The following MIPOL1 variants were observed in gnomAD, a reference collection of about 807,000 sequenced individuals.
The protein encoded by MIPOL1 is mirror-image polydactyly 1.
In MIPOL1, 57 loss-of-function variants were observed where a neutral mutation model predicts 60.9. The observed-to-expected ratio is 0.94, with a 90% CI of 0.76 to 1.17. The LOEUF (loss-of-function observed/expected upper bound fraction) is 1.17. MIPOL1 is among the 50% of genes most tolerant of loss of function. The pLI, the probability that MIPOL1 is intolerant of heterozygous loss-of-function variation, is 0.00. For missense variants in MIPOL1, 551 were observed against 511.6 expected, an observed-to-expected ratio of 1.08 and a Z score of -0.74; for synonymous variants, 179 against 168.8, an observed-to-expected ratio of 1.06 and a Z score of -0.47.
At chr14:37,543,407 C>G (rs2095537032) in intron 12 of MIPOL1, among the ~76,000 whole-genome samples, 1 of 152,068 alleles carries the variant, frequency 6.6e-6, no homozygotes, top group Non-Finnish European at 1.5e-5. Context: ...TCCCGAATAG[C>G]TGGGATTACA....
intron 12 of MIPOL1, among the ~76,000 whole-genome samples, chr14:37,530,194 G>C (rs1249688928): frequency 6.6e-6 from 1 of 152,132 alleles, no homozygotes; most frequent in African/African-American, 2.4e-5. Context: ...GATGTGAAGG[G>C]TAAAGAATTC....
intron 11 of MIPOL1, among the ~76,000 whole-genome samples, chr14:37,476,576 T>A (rs1326106559): frequency 6.6e-6 from 1 of 152,192 alleles, no homozygotes. Flanking sequence ...TTTTTATAGA[T>A]GTTCTGTATA....
In MIPOL1 at chr14:37,248,316, A is replaced by G. The variant is rs565755288; in HGVS notation, c.19+409A>G. Among the ~76,000 whole-genome samples the G allele has an allele frequency of 3.9e-5, 6 of 152,184 alleles. No homozygotes were observed. In the East Asian group the frequency reaches 1.2e-3, roughly 30 times the overall value. On this transcript the variant is annotated intron_variant, in intron 3 of 12. Transcript: ENST00000684589. Reference sequence around the variant, plus strand: ...GATCCTCAGAGAAAGAGACACAGGAAGGAAGATACTTGAAGAGGGAAACAC... The same window carrying G: ...GATCCTCAGAGAAAGAGACACAGGAGGGAAGATACTTGAAGAGGGAAACAC...
At chr14:37,321,863 T>C (rs916467150) in intron 9 of MIPOL1, among the ~76,000 whole-genome samples, 1 of 152,008 alleles carries the variant, frequency 6.6e-6, no homozygotes, top group African/African-American at 2.4e-5. Context: ...AATGTCTACT[T>C]ATATATCTGA....
At chr14:37,216,845 A>G (rs1178444223) in intron 1 of MIPOL1, among the ~76,000 whole-genome samples, 1 of 152,208 alleles carries the variant, frequency 6.6e-6, no homozygotes, top group Non-Finnish European at 1.5e-5. Context: ...AAATACTTCA[A>G]ATGAACAATC....
At chr14:37,199,691 A>C (rs1490808636) in intron 1 of MIPOL1, among the ~76,000 whole-genome samples, 1 of 151,834 alleles carries the variant, frequency 6.6e-6, no homozygotes, top group East Asian at 1.9e-4. Context: ...CGCCTGGCTA[A>C]GTTTTGTATT....
chr14:37,384,942 A>G (rs1329876977), intron 10 of MIPOL1, among the ~76,000 whole-genome samples: 1 of 151,838 alleles, frequency 6.6e-6, no homozygotes, highest in South Asian at 2.1e-4. Flanking sequence ...TCTGTCTTCT[A>G]TTTTTCTCTG....
chr14:37,237,321 A>T (rs56905022), intron 1 of MIPOL1, among the ~76,000 whole-genome samples: 6,745 of 152,140 alleles, frequency 0.044, 293 homozygotes, highest in Admixed American at 0.099. Flanking sequence ...AGAGGGAGGG[A>T]ACTGCTTCAA....
intron 9 of MIPOL1, among the ~76,000 whole-genome samples, chr14:37,326,430 C>A (rs1193573032): frequency 1.3e-5 from 2 of 152,090 alleles, no homozygotes; most frequent in Non-Finnish European, 2.9e-5. Context: ...TTGGCAGAAG[C>A]ATTGTGTGTA....
intron 3 of MIPOL1, among the ~76,000 whole-genome samples, chr14:37,261,973 C>CT (rs1555373221): frequency 6.6e-6 from 1 of 151,892 alleles, no homozygotes. Context: ...ATGGTCTAAA[C>CT]TTTTATCTTG....
chr14:37,408,514 C>T (rs892258531), intron 10 of MIPOL1, among the ~76,000 whole-genome samples: 4 of 152,180 alleles, frequency 2.6e-5, no homozygotes, highest in Admixed American at 1.3e-4. Context: ...CCTATAGTCC[C>T]GGCTACCCAG....
intron 9 of MIPOL1, among the ~76,000 whole-genome samples, chr14:37,325,772 A>G (rs1426894872): frequency 1.3e-5 from 2 of 152,112 alleles, no homozygotes; most frequent in Non-Finnish European, 2.9e-5. Flanking sequence ...TTCAACATAT[A>G]TTCCTCCTTA....
intron 12 of MIPOL1, among the ~76,000 whole-genome samples, chr14:37,500,776 C>T (rs1278561762): frequency 1.3e-5 from 2 of 152,152 alleles, no homozygotes; most frequent in Non-Finnish European, 2.9e-5. Flanking sequence ...TGGACTTGAA[C>T]ATTGTAGCAG....
At chr14:37,474,805 T>G (rs1244787416) in intron 11 of MIPOL1, among the ~76,000 whole-genome samples, 2 of 152,184 alleles carry the variant, frequency 1.3e-5, no homozygotes, top group Non-Finnish European at 2.9e-5. Context: ...TTTAGGTTTT[T>G]GGATTTTTGC....
intron 10 of MIPOL1, among the ~76,000 whole-genome samples, chr14:37,412,278 T>C (rs1380936126): frequency 6.6e-6 from 1 of 152,150 alleles, no homozygotes; most frequent in Non-Finnish European, 1.5e-5. Context: ...CTGAGCATTG[T>C]ATTCATGTTT....
intron 10 of MIPOL1, chr14:37,401,202 G>A (rs1184514977): frequency 6.6e-6 from 1 of 152,058 alleles, no homozygotes; most frequent in East Asian, 1.9e-4. Flanking sequence ...TGTGGAAAAT[G>A]GAGTAAGTGC....
chr14:37,497,419 A>G (rs1474429468), intron 11 of MIPOL1, among the ~76,000 whole-genome samples: 1 of 152,256 alleles, frequency 6.6e-6, no homozygotes, highest in African/African-American at 2.4e-5. Context: ...TAGGCCATAT[A>G]TGTAAAGTTA....
chr14:37,365,368 T>C (rs890261325), intron 9 of MIPOL1, among the ~76,000 whole-genome samples: 2 of 152,182 alleles, frequency 1.3e-5, no homozygotes, highest in Non-Finnish European at 2.9e-5. Context: ...TTTTATTATG[T>C]TAATGTACAT....
In MIPOL1 at chr14:37,514,440, T is replaced by G. The variant is rs536956143; in HGVS notation, c.1262+14302T>G. Among the ~76,000 whole-genome samples, 10 of 152,302 alleles carry G rather than the reference T, an allele frequency of 6.6e-5. No homozygotes were observed. In the South Asian group the frequency reaches 1.5e-3, roughly 22 times the overall value. ...AAGGTGAAAAGGAAGGTGTAGAAGT[T>G]AGATTTTTAGAAGTTTTGGTCATTC... On this transcript the variant is annotated intron_variant, in intron 12 of 12. Coordinates refer to ENST00000684589, the MANE Select transcript of MIPOL1 (RefSeq NM_001388067.1).
Sources: gnomAD v4.1 joint callset for allele counts (sites outside exome capture counted in the v4.1 genomes callset) on GRCh38, gnomAD v4.1.1 for gene constraint, MANE v1.5 for transcripts, NCBI Gene and HGNC (gene_info 2026-07-23, HGNC 2026-07-21) for gene names.